CHUK: variants seen among roughly 807,000 people sequenced by gnomAD.
CHUK encodes component of inhibitor of nuclear factor kappa B kinase complex.
A neutral mutation model predicts 104.8 loss-of-function variants in CHUK; 35 were observed. That is an observed-to-expected ratio of 0.33 (90% CI 0.26 to 0.44). The LOEUF is 0.44. Ranked by LOEUF, CHUK falls within the 20% of genes least tolerant of loss-of-function variation. CHUK has a pLI of 1.00. For missense variants in CHUK, 663 were observed against 902.7 expected (o/e 0.73, Z 3.40); for synonymous variants, 276 against 291.9 (o/e 0.95, Z 0.56).
At chr10:100,209,981 T>C (rs1272488520) in intron 9 of CHUK, among the ~76,000 whole-genome samples, 192 bp from the exon 10 acceptor site, 1 of 152,130 alleles carries the variant, frequency 6.6e-6, no homozygotes, top group Non-Finnish European at 1.5e-5. Context: ...TTTCCTTTTC[T>C]ACAATAGATG....
rs760164776 is a variant in CHUK, at chr10:100,202,078, A to G, written c.1569+10T>C. On this transcript the variant is annotated intron_variant, in intron 14 of 20. Transcript: ENST00000370397. ...TTAATAAGTATACAGAATGACGTCA[A>G]TGATTTTACCTCAGCATAGTGGATG... 2.5e-6 allele frequency: 4 copies of G among 1,595,776 alleles called. No individual in the cohort carries two copies. In the South Asian group the frequency reaches 3.3e-5, roughly 13 times the overall value.
intron 9 of CHUK, 41 bp downstream of exon 9, chr10:100,217,954 T>G: frequency 6.3e-7 from 1 of 1,584,860 alleles, no homozygotes; most frequent in Non-Finnish European, 8.7e-7. Context: ...AACTTGTTAC[T>G]TTCAATGCTG....
In CHUK at chr10:100,207,097, A is replaced by G. The variant is rs1025981589; in HGVS notation, c.1231+133T>C. 2.7e-5 allele frequency: 18 copies of G among 666,518 alleles called. No homozygotes were observed. The African/African-American group carries it at 2.7e-4, about 10-fold the overall frequency. 41.3% of individuals were successfully genotyped at this position (666,518 alleles called of 1,614,324 possible). On this transcript the variant is annotated intron_variant, in intron 11 of 20. Transcript: ENST00000370397. ...TAAATCCATTTTTCAGAGTTCTCAT[A>G]TAACTCCATATAGAAACTTCAAGTA...
chr10:100,193,474 T>C (rs1235664639), intron 18 of CHUK, 43 bp from the exon 19 acceptor site: 3 of 1,610,974 alleles, frequency 1.9e-6, no homozygotes, highest in Non-Finnish European at 2.5e-6. Flanking sequence ...CAGGCAAGCA[T>C]CTCTGTTGAT....
chr10:100,221,475 C>T (rs1248216518), intron 4 of CHUK, among the ~76,000 whole-genome samples: 1 of 151,960 alleles, frequency 6.6e-6, no homozygotes, highest in Non-Finnish European at 1.5e-5. Flanking sequence ...AGGACCCATC[C>T]CTCAAGGAGA....
intron 16 of CHUK, among the ~76,000 whole-genome samples, chr10:100,196,385 G>GTTT (rs34375161): frequency 9.9e-4 from 127 of 128,200 alleles, no homozygotes; most frequent in African/African-American, 3.4e-3. Flanking sequence ...TCTGCTCTGG[G>GTTT]TTTTTTTTTT....
Position 100,189,684 on chromosome 10 carries a change from T to C in CHUK, c.2209-57A>G, listed in dbSNP as rs1272893140. 4 of 1,271,070 alleles carry C rather than the reference T, an allele frequency of 3.1e-6. No homozygotes were observed. The East Asian group carries it at 9.3e-5, about 29-fold the overall frequency. 78.7% of individuals were successfully genotyped at this position (1,271,070 alleles called of 1,614,324 possible). On this transcript the variant is annotated intron_variant, in intron 20 of 20. Transcript: ENST00000370397. ...ATGTTGACTATAAGTTATAAGTATA[T>C]GGGTGTTCATTTTTGCAAGTTTTCT...
chr10:100,197,192 T>C (rs537033176), intron 16 of CHUK, among the ~76,000 whole-genome samples: 36 of 152,334 alleles, frequency 2.4e-4, no homozygotes, highest in Non-Finnish European at 4.6e-4. Context: ...TGTAACACAA[T>C]GGTAAGTATT....
At chr10:100,196,971 A>C (rs1845347472) in intron 16 of CHUK, among the ~76,000 whole-genome samples, 2 of 152,126 alleles carry the variant, frequency 1.3e-5, no homozygotes, top group Non-Finnish European at 2.9e-5. Flanking sequence ...CCAATCTCTC[A>C]ACTTGTTCAG....
rs1589572410 is a variant in CHUK at position 100,189,425 on chromosome 10, C to G, written c.*173G>C. 2 of 623,650 alleles carry G rather than the reference C, an allele frequency of 3.2e-6. No individual in the cohort carries two copies. The highest frequency in any genetic ancestry group is 5.8e-6 in the Non-Finnish European group (2 of 343,848). 38.6% of individuals were successfully genotyped at this position (623,650 alleles called of 1,614,324 possible). On this transcript the variant is annotated 3_prime_UTR_variant, in exon 21 of 21. Coordinates refer to ENST00000370397, the MANE Select transcript of CHUK (RefSeq NM_001278.5). ...GTTTAGAGGCTTGAATTACTCAAAA[C>G]TGTTATACTTGTAAAATCATGTTCT...
intron 1 of CHUK, among the ~76,000 whole-genome samples, chr10:100,228,605 G>A (rs1482297894): frequency 6.6e-6 from 1 of 152,186 alleles, no homozygotes; most frequent in African/African-American, 2.4e-5. Context: ...GCAGTGAGCC[G>A]AGATCGCGCC....
In CHUK at chr10:100,194,527, A is replaced by G. The variant is rs2134207675; in HGVS notation, c.1730-6T>C. On this transcript the variant is annotated splice_polypyrimidine_tract_variant and splice_region_variant and intron_variant, in intron 16 of 20. Coordinates refer to ENST00000370397, the MANE Select transcript of CHUK (RefSeq NM_001278.5). ...GCTGTCACTGTAGGAGTGATCTATA[A>G]AAGACATCAGTCAGTGGATATAACC... is the stretch of plus-strand genomic sequence containing the variant. 3.1e-6 allele frequency: 5 copies of G among 1,589,274 alleles called. No homozygotes were observed. The highest frequency in any genetic ancestry group is 4.3e-6 in the Non-Finnish European group (5 of 1,157,850).
chr10:100,208,056 T>C (rs989473959), intron 10 of CHUK, among the ~76,000 whole-genome samples: 3 of 152,198 alleles, frequency 2.0e-5, no homozygotes, highest in Non-Finnish European at 2.9e-5. Flanking sequence ...GCAGGACCTA[T>C]GAGACTGCTG....
At chr10:100,196,154 T>TA (rs1845321467) in intron 16 of CHUK, among the ~76,000 whole-genome samples, 1 of 152,194 alleles carries the variant, frequency 6.6e-6, no homozygotes, top group South Asian at 2.1e-4. Flanking sequence ...TTTGAAATCT[T>TA]AGATTTTAAT....
intron 9 of CHUK, among the ~76,000 whole-genome samples, chr10:100,211,408 T>A (rs560492137): frequency 6.6e-6 from 1 of 152,342 alleles, no homozygotes; most frequent in East Asian, 1.9e-4. Context: ...TCTTCATAGT[T>A]GTCATTTTTG....
At chr10:100,215,880 C>G (rs763367185) in intron 9 of CHUK, among the ~76,000 whole-genome samples, 1 of 152,144 alleles carries the variant, frequency 6.6e-6, no homozygotes, top group Non-Finnish European at 1.5e-5. Flanking sequence ...TCACCCTTTC[C>G]CTAAAAACTC....
chr10:100,228,372 G>A (rs180905134), intron 1 of CHUK, among the ~76,000 whole-genome samples: 67 of 152,302 alleles, frequency 4.4e-4, no homozygotes, highest in African/African-American at 1.5e-3. Context: ...ACATGTCCCA[G>A]GCCTGGTGCC....
chr10:100,222,947 A>G lies in CHUK; in HGVS notation c.234T>C (p.Asp78=). ...TCAAAATATTCAATTCTTCAGGAACATCACAGGCCTTTACAACATTGGCAT... is the reference window on the plus strand; with the variant it reads ...TCAAAATATTCAATTCTTCAGGAACGTCACAGGCCTTTACAACATTGGCAT... ...LNHANVVKAC[D]VPEELNILIH... Residue 78 remains aspartate (D), a synonymous_variant, in exon 3 of 21, where the codon GAT becomes GAC. Coordinates refer to ENST00000370397, the MANE Select transcript of CHUK (RefSeq NM_001278.5). The G allele has an allele frequency of 2.5e-6, 4 of 1,605,358 alleles. No homozygotes were observed. Among genetic ancestry groups the G allele is most frequent in the Non-Finnish European group, 3.4e-6 (4 of 1,172,280 alleles).
chr10:100,197,534 C>T (rs541128096), intron 16 of CHUK, among the ~76,000 whole-genome samples: 186 of 152,268 alleles, frequency 1.2e-3, no homozygotes, highest in African/African-American at 3.6e-3. Flanking sequence ...ATACTCGTGT[C>T]TTAATTCATT....
Sources: gnomAD v4.1 joint callset for allele counts (sites outside exome capture counted in the v4.1 genomes callset) on GRCh38, gnomAD v4.1.1 for gene constraint, MANE v1.5 for transcripts, NCBI Gene and HGNC (gene_info 2026-07-23, HGNC 2026-07-21) for gene names.